Variants in PRR16 observed in about 807,000 individuals in gnomAD.
PRR16 encodes the protein proline rich 16.
Under a neutral mutation model 18.2 loss-of-function variants are expected in PRR16, and 6 were observed. The ratio of observed to expected loss-of-function variants is 0.33; its 90% CI spans 0.18 to 0.65. The LOEUF is 0.65. PRR16 is among the 30% of genes least tolerant of loss of function. The probability of loss-of-function intolerance (pLI) is 0.74; values close to 1 mark genes in which losing one functional copy is unlikely to be tolerated. For missense variants in PRR16, 412 were observed against 376.6 expected (o/e 1.09, Z -0.78); for synonymous variants, 151 against 147.8 (o/e 1.02, Z -0.16).
At chr5:120,542,706 A>G (rs757858973) in intron 1 of PRR16, among the ~76,000 whole-genome samples, 1 of 152,204 alleles carries the variant, frequency 6.6e-6, no homozygotes, top group Non-Finnish European at 1.5e-5. Context: ...GGTATATCTT[A>G]TAATTACATA....
chr5:120,476,733 A>G (rs1405570176), intron 1 of PRR16, among the ~76,000 whole-genome samples: 2 of 152,170 alleles, frequency 1.3e-5, no homozygotes, highest in African/African-American at 2.4e-5. Context: ...TACAAATGAA[A>G]TAAGTGTTAA....
chr5:120,647,417 TAGTC>T (rs1179431174), intron 1 of PRR16, among the ~76,000 whole-genome samples: 1 of 151,984 alleles, frequency 6.6e-6, no homozygotes, highest in African/African-American at 2.4e-5. Context: ...ATTTCATAAA[TAGTC>T]TGTATGTAAC....
chr5:120,572,034 A>G (rs1375548574), intron 1 of PRR16, among the ~76,000 whole-genome samples: 1 of 152,184 alleles, frequency 6.6e-6, no homozygotes, highest in Non-Finnish European at 1.5e-5. Context: ...GTTTGTGACT[A>G]CAAGAACAAG....
intron 1 of PRR16, among the ~76,000 whole-genome samples, chr5:120,565,601 A>G (rs927255494): frequency 1.3e-5 from 2 of 152,216 alleles, no homozygotes; most frequent in Non-Finnish European, 2.9e-5. Flanking sequence ...TTTAACTCCT[A>G]TCTCTAACAC....
At chr5:120,664,512 T>A (rs1050082648) in intron 1 of PRR16, among the ~76,000 whole-genome samples, 37 of 151,696 alleles carry the variant, frequency 2.4e-4, no homozygotes, top group Middle Eastern at 3.4e-3. Context: ...AATGTGCAGG[T>A]TAGTTACATA....
chr5:120,557,394 C>T (rs1486759422), intron 1 of PRR16, among the ~76,000 whole-genome samples: 7 of 151,770 alleles, frequency 4.6e-5, no homozygotes, highest in Non-Finnish European at 7.4e-5. Flanking sequence ...TACATATGTA[C>T]TTTTTTCTCC....
the PRR16 span, among the ~76,000 whole-genome samples, chr5:120,750,522 C>T: frequency 3.3e-5 from 5 of 151,914 alleles, no homozygotes; most frequent in Non-Finnish European, 7.4e-5. Context: ...CAAAAATTAG[C>T]CCAGTGTGGT....
chr5:120,581,100 C>A (rs539955387), intron 1 of PRR16, among the ~76,000 whole-genome samples: 3 of 152,234 alleles, frequency 2.0e-5, no homozygotes, highest in African/African-American at 7.2e-5. Context: ...AGAATGGTAC[C>A]AGCTCCTCTT....
At chr5:120,648,822 A>G (rs1755683307) in intron 1 of PRR16, among the ~76,000 whole-genome samples, 1 of 152,120 alleles carries the variant, frequency 6.6e-6, no homozygotes, top group Non-Finnish European at 1.5e-5. Context: ...CAGTACTCCC[A>G]TGGTAGCTTA....
chr5:120,792,010 T>C, the PRR16 span, among the ~76,000 whole-genome samples: 1 of 152,162 alleles, frequency 6.6e-6, no homozygotes, highest in Non-Finnish European at 1.5e-5. Context: ...ATGATAGGCA[T>C]TGAAGTATAG....
At chr5:120,531,105 T>C (rs1273292970) in intron 1 of PRR16, among the ~76,000 whole-genome samples, 1 of 152,204 alleles carries the variant, frequency 6.6e-6, no homozygotes, top group Non-Finnish European at 1.5e-5. Flanking sequence ...CAAATTATAC[T>C]AGCTCAGAAA....
chr5:120,729,216 A>G, the PRR16 span, among the ~76,000 whole-genome samples: 2 of 152,112 alleles, frequency 1.3e-5, no homozygotes, highest in African/African-American at 2.4e-5. Flanking sequence ...TATTTTTTTT[A>G]TAGCTAAACA....
intron 1 of PRR16, among the ~76,000 whole-genome samples, chr5:120,620,676 C>CTGGGTCCTTGCTTCCTCAGCTGCTA (rs1284231257): frequency 1.1e-4 from 16 of 152,040 alleles, no homozygotes; most frequent in Non-Finnish European, 2.9e-5. Flanking sequence ...GTGTGTTTTG[C>CTGGGTCCTTGCTTCCTCAGCTGCTA]TGGGTCCTTG....
the PRR16 span, among the ~76,000 whole-genome samples, chr5:120,733,632 G>T: frequency 6.6e-6 from 1 of 152,090 alleles, no homozygotes; most frequent in African/African-American, 2.4e-5. Flanking sequence ...CCTATGCCCC[G>T]CTCTCTCAGT....
At chr5:120,761,816 TTCTG>T in the PRR16 span, among the ~76,000 whole-genome samples, 5 of 152,108 alleles carry the variant, frequency 3.3e-5, no homozygotes, top group Non-Finnish European at 7.4e-5. Context: ...AATTTATTCG[TTCTG>T]TCTAACTGTA....
chr5:120,503,235 G>T (rs960033449), intron 1 of PRR16, among the ~76,000 whole-genome samples: 1 of 152,072 alleles, frequency 6.6e-6, no homozygotes, highest in Non-Finnish European at 1.5e-5. Context: ...CATATTTGAT[G>T]AGTGAGGGAA....
At chr5:120,756,274 C>T in the PRR16 span, among the ~76,000 whole-genome samples, 1 of 152,054 alleles carries the variant, frequency 6.6e-6, no homozygotes, top group Non-Finnish European at 1.5e-5. Context: ...CCCTCTGATC[C>T]TTTTGTTACT....
chr5:120,716,854 A>G, the PRR16 span, among the ~76,000 whole-genome samples: 3 of 152,186 alleles, frequency 2.0e-5, no homozygotes, highest in Non-Finnish European at 2.9e-5. Context: ...CCTGGGCAAC[A>G]GAGCAAGACT....
At chr5:120,766,217 C>T in the PRR16 span, among the ~76,000 whole-genome samples, 2 of 151,994 alleles carry the variant, frequency 1.3e-5, no homozygotes, top group Non-Finnish European at 2.9e-5. Flanking sequence ...CACCTGACAC[C>T]AGCAGCATTC....
Sources: gnomAD v4.1 joint callset for allele counts (sites outside exome capture counted in the v4.1 genomes callset) on GRCh38, gnomAD v4.1.1 for gene constraint, MANE v1.5 for transcripts, NCBI Gene and HGNC (gene_info 2026-07-23, HGNC 2026-07-21) for gene names.